PDZD2: variants seen among roughly 807,000 people sequenced by gnomAD.
The protein encoded by PDZD2 is PDZ domain-containing protein 2.
PDZD2 carries 90 observed loss-of-function variants against 220.7 expected under a neutral mutation model. The ratio of observed to expected loss-of-function variants is 0.41; its 90% CI spans 0.34 to 0.49. PDZD2 has a LOEUF of 0.49. Among genes scored for constraint, PDZD2 ranks in the 20% least tolerant of loss-of-function variants. The probability of loss-of-function intolerance (pLI) is 0.28; values close to 1 mark genes in which losing one functional copy is unlikely to be tolerated. For missense variants in PDZD2, 3,174 were observed against 3,608.5 expected (o/e 0.88, Z 3.08); for synonymous variants, 1,375 against 1,450.5 (o/e 0.95, Z 1.18).
intron 2 of PDZD2, among the ~76,000 whole-genome samples, chr5:31,976,714 CTTTTT>C (rs869280921): frequency 2.0e-5 from 2 of 99,720 alleles, no homozygotes; most frequent in Non-Finnish European, 3.9e-5. Flanking sequence ...TTTCTTCTTT[CTTTTT>C]TTTTTTTTTT....
At chr5:31,752,977 C>T (rs912482777) in intron 1 of PDZD2, among the ~76,000 whole-genome samples, 5 of 152,138 alleles carry the variant, frequency 3.3e-5, no homozygotes, top group Admixed American at 2.6e-4. Context: ...CCAAGGCCAG[C>T]ACAGCCTCTT....
chr5:31,760,122 G>T (rs1457639676), intron 1 of PDZD2, among the ~76,000 whole-genome samples: 3 of 152,134 alleles, frequency 2.0e-5, no homozygotes, highest in Non-Finnish European at 4.4e-5. Context: ...AGAGTGGGAG[G>T]AGAGTTGTCC....
At chr5:31,665,650 C>CCCG (rs1554060804) in intron 1 of PDZD2, among the ~76,000 whole-genome samples, 2 of 117,366 alleles carry the variant, frequency 1.7e-5, no homozygotes, top group Admixed American at 9.0e-5. Flanking sequence ...CCCCTCCCCC[C>CCCG]CCTCCCTTTC....
At chr5:32,055,294 T>C (rs1431928059) in intron 10 of PDZD2, among the ~76,000 whole-genome samples, 2 of 152,140 alleles carry the variant, frequency 1.3e-5, no homozygotes, top group Non-Finnish European at 2.9e-5. Flanking sequence ...CTCAAACTCC[T>C]GGGCACAAGG....
At chr5:31,650,085 G>C (rs1174082305) in intron 1 of PDZD2, among the ~76,000 whole-genome samples, 1 of 152,016 alleles carries the variant, frequency 6.6e-6, no homozygotes, top group African/African-American at 2.4e-5. Flanking sequence ...TTGGGAATCT[G>C]AGTGAGTATA....
chr5:31,785,637 C>T (rs747373273), intron 1 of PDZD2, among the ~76,000 whole-genome samples: 2 of 151,848 alleles, frequency 1.3e-5, no homozygotes, highest in East Asian at 1.9e-4. Flanking sequence ...CACAGGGTCT[C>T]GCCATGTTGC....
intron 3 of PDZD2, among the ~76,000 whole-genome samples, chr5:31,983,901 C>A (rs554068562): frequency 6.6e-6 from 1 of 152,244 alleles, no homozygotes; most frequent in Admixed American, 6.5e-5. Context: ...TCATTTTATC[C>A]TACTTAAATA....
intron 3 of PDZD2, among the ~76,000 whole-genome samples, chr5:31,986,150 C>T (rs188589603): frequency 5.4e-4 from 82 of 150,630 alleles, no homozygotes; most frequent in Non-Finnish European, 9.3e-4. Context: ...AGTTCCTTTG[C>T]GTTGTTTTTA....
At chr5:31,852,106 C>T (rs555735422) in intron 2 of PDZD2, among the ~76,000 whole-genome samples, 3 of 152,012 alleles carry the variant, frequency 2.0e-5, no homozygotes, top group Non-Finnish European at 4.4e-5. Context: ...CCGCCTGCCT[C>T]GGCCTCCCAA....
chr5:31,954,377 T>A (rs1747470294), intron 2 of PDZD2, among the ~76,000 whole-genome samples: 1 of 152,220 alleles, frequency 6.6e-6, no homozygotes, highest in South Asian at 2.1e-4. Context: ...TTAGAAAATG[T>A]GTCTCCATGT....
At chr5:31,904,566 C>G (rs1031666310) in intron 2 of PDZD2, among the ~76,000 whole-genome samples, 1 of 152,102 alleles carries the variant, frequency 6.6e-6, no homozygotes, top group Non-Finnish European at 1.5e-5. Flanking sequence ...CTCGCTCTGT[C>G]GCGCAGGCTG....
intron 2 of PDZD2, among the ~76,000 whole-genome samples, chr5:31,965,019 G>A (rs1471859313): frequency 1.3e-5 from 2 of 152,186 alleles, no homozygotes; most frequent in East Asian, 3.8e-4. Flanking sequence ...ACCGCGCCCG[G>A]CCAGTTTTTT....
At chr5:31,840,446 A>ATTTATTTATTTATT (rs1373495751) in intron 2 of PDZD2, 1 of 69,136 alleles carries the variant, frequency 1.4e-5, no homozygotes, top group African/African-American at 6.3e-5. Flanking sequence ...ATATATATAT[A>ATTTATTTATTTATT]TATTTGTTTA....
chr5:31,834,763 T>C (rs1448069305), intron 2 of PDZD2, among the ~76,000 whole-genome samples: 1 of 151,806 alleles, frequency 6.6e-6, no homozygotes, highest in Non-Finnish European at 1.5e-5. Context: ...AGGGATGGCA[T>C]TGGGAGATAT....
intron 1 of PDZD2, among the ~76,000 whole-genome samples, chr5:31,657,954 C>T (rs776075366): frequency 6.6e-6 from 1 of 152,174 alleles, no homozygotes; most frequent in South Asian, 2.1e-4. Flanking sequence ...GCTTCTTTGC[C>T]AATACTCTAA....
At chr5:31,809,885 C>T (rs973480612) in intron 2 of PDZD2, among the ~76,000 whole-genome samples, 6 of 152,208 alleles carry the variant, frequency 3.9e-5, no homozygotes, top group Non-Finnish European at 8.8e-5. Context: ...TGACCTGCTC[C>T]TCCTCTGGTA....
chr5:31,804,959 C>T (rs961630200), intron 2 of PDZD2, among the ~76,000 whole-genome samples: 1 of 152,132 alleles, frequency 6.6e-6, no homozygotes, highest in Non-Finnish European at 1.5e-5. Context: ...TTTGGGAGGC[C>T]GAGGCGGGTT....
Position 31,849,889 on chromosome 5 carries a change from C to T in PDZD2, c.476+50165C>T, listed in dbSNP as rs1269308400. 2.5e-3 allele frequency among the ~76,000 whole-genome samples: 44 copies of T among 17,730 alleles called. 1 individual carries two copies. In the African/African-American group the frequency reaches 0.04, roughly 16 times the overall value. The allele number at this position is 17,730 out of a possible 152,430, so 11.6% of individuals were successfully genotyped here. ...ATATATACATATATATATATATATA[C>T]ACATATATATATATACATATATATA... On this transcript the variant is annotated intron_variant, in intron 2 of 24. Coordinates refer to ENST00000438447, the MANE Select transcript of PDZD2 (RefSeq NM_178140.4).
chr5:31,659,349 CT>C (rs374240899), intron 1 of PDZD2, among the ~76,000 whole-genome samples: 26 of 152,160 alleles, frequency 1.7e-4, no homozygotes, highest in African/African-American at 6.3e-4. Flanking sequence ...ACTTCCAGAT[CT>C]GTACCTTTAG....
Sources: allele counts gnomAD v4.1 joint callset (sites outside exome capture counted in the v4.1 genomes callset), GRCh38; gene constraint gnomAD v4.1.1; transcripts MANE v1.5; gene names NCBI Gene and HGNC (gene_info 2026-07-23, HGNC 2026-07-21).